DIPK2B: variants seen among roughly 807,000 people sequenced by gnomAD.
DIPK2B encodes UPF0672 protein CXorf36.
DIPK2B carries 15 observed loss-of-function variants against 22.2 expected under a neutral mutation model. The observed-to-expected ratio is 0.68, with a 90% confidence interval of 0.45 to 1.04. DIPK2B has a LOEUF of 1.04. Ranked by LOEUF, DIPK2B falls within the 50% of genes least tolerant of loss-of-function variation. DIPK2B has a pLI of 0.00. For missense variants in DIPK2B, 345 were observed against 348.3 expected, an observed-to-expected ratio of 0.99 and a Z score of 0.08; for synonymous variants, 163 against 153.2, an observed-to-expected ratio of 1.06 and a Z score of -0.47.
Position 45,157,734 on chromosome X carries a change from G to A in DIPK2B, c.653C>T (p.Ser218Leu). The part of the protein sequence containing the change: ...LRLLYTLAVN[S>L]HPILLQIFPG... Reference sequence around the variant, plus strand: ...GCATACCTGTAGGAGGATGGGGTGCGAGTTGACAGCCAGCGTGTAGAGCAG... The same window carrying A: ...GCATACCTGTAGGAGGATGGGGTGCAAGTTGACAGCCAGCGTGTAGAGCAG... The change falls in exon 3 of 5, where the codon TCG (serine) becomes TTG (leucine). Residue 218 changes from serine (S) to leucine (L), a missense_variant. Transcript: ENST00000398000. 2 of 1,197,718 alleles carry A rather than the reference G, an allele frequency of 1.7e-6. No homozygotes were observed. The highest frequency in any genetic ancestry group is 3.0e-5 in the East Asian group (1 of 33,150).
intron 2 of DIPK2B, among the ~76,000 whole-genome samples, chrX:45,191,238 G>A (rs2047209448): frequency 8.9e-6 from 1 of 112,825 alleles, no homozygotes; most frequent in African/African-American, 3.2e-5. Flanking sequence ...AGAGGATGCT[G>A]TATTGTCAAA....
intron 2 of DIPK2B, among the ~76,000 whole-genome samples, chrX:45,158,862 G>A (rs995097118): frequency 2.7e-5 from 3 of 112,183 alleles, no homozygotes; most frequent in African/African-American, 9.7e-5. Flanking sequence ...GGCCCTCCAC[G>A]AAGTAGGTGC....
Position 45,192,000 on chromosome X carries a change from C to G in DIPK2B, c.249G>C (p.Leu83=). ...CGGGAGGCAGTCCAAGGTGGGAAGC[C>G]AGCCAGTTGTCAGATCTGTTGGAAG... ...FKEEIRSDNW[L]ASHLGLPPDS... is the part of the protein sequence containing the mutation. The change falls in exon 2 of 5, where the codon CTG becomes CTC. Residue 83 remains leucine, a synonymous_variant. Coordinates refer to ENST00000398000, the MANE Select transcript of DIPK2B (RefSeq NM_176819.4). The G allele has an allele frequency of 8.3e-7, 1 of 1,208,979 alleles. No homozygotes were observed. Among genetic ancestry groups the G allele is most frequent in the Non-Finnish European group, 1.1e-6 (1 of 894,043 alleles).
chrX:45,153,170 C>T (rs1004069583), intron 4 of DIPK2B, among the ~76,000 whole-genome samples: 1 of 111,125 alleles, frequency 9.0e-6, no homozygotes, highest in African/African-American at 3.3e-5. Context: ...CAAACAAAAT[C>T]AGAAATTAGA....
rs149014709 is a variant in DIPK2B, at chrX:45,151,623, G to T, written c.*29C>A. 10 of 1,178,313 alleles carry T rather than the reference G, an allele frequency of 8.5e-6. No homozygotes were observed. The highest frequency in any genetic ancestry group is 1.1e-5 in the Non-Finnish European group (10 of 872,466). ...GGGAGAATGGAGAGCCAAGCGTGTT[G>T]TCCCCAAGGCCAGCTAGACACCAGC... On this transcript the variant is annotated 3_prime_UTR_variant, in exon 5 of 5. Coordinates refer to ENST00000398000, the MANE Select transcript of DIPK2B (RefSeq NM_176819.4).
At chrX:45,183,743 A>T (rs2047166886) in intron 2 of DIPK2B, among the ~76,000 whole-genome samples, 1 of 112,108 alleles carries the variant, frequency 8.9e-6, no homozygotes, top group South Asian at 3.7e-4. Context: ...CCTATAAAAC[A>T]AAAGGGGAAA....
chrX:45,152,331 C>T (rs1370997515), intron 4 of DIPK2B, among the ~76,000 whole-genome samples: 2 of 104,302 alleles, frequency 1.9e-5, no homozygotes, highest in Non-Finnish European at 3.9e-5. Context: ...GCACTCCAGC[C>T]TGGGTGACAG....
At chrX:45,179,748 AT>A (rs1287066045) in intron 2 of DIPK2B, among the ~76,000 whole-genome samples, 1 of 111,993 alleles carries the variant, frequency 8.9e-6, no homozygotes, top group Non-Finnish European at 1.9e-5. Flanking sequence ...AGAGAAAAAA[AT>A]AATTGAAAAA....
chrX:45,200,623 A>G lies in DIPK2B; in HGVS notation c.204T>C (p.Ile68=). 1 of 1,212,079 alleles carries G rather than the reference A, an allele frequency of 8.3e-7. No homozygotes were observed. The highest frequency in any genetic ancestry group is 1.1e-6 in the Non-Finnish European group (1 of 895,340). ...DKCNACIGTS[I]CKKFFKEEIR... ...TTTCTTCTTTAAAGAACTTCTTGCAAATAGATGTCCCGATGCAGGCATTGC... is the reference window on the plus strand; with the variant it reads ...TTTCTTCTTTAAAGAACTTCTTGCAGATAGATGTCCCGATGCAGGCATTGC... Residue 68 remains isoleucine (I), a synonymous_variant, in exon 1 of 5, where the codon ATT becomes ATC. Transcript: ENST00000398000.
At chrX:45,162,385 G>A in intron 2 of DIPK2B, 1 of 754,224 alleles carries the variant, frequency 1.3e-6, no homozygotes, top group South Asian at 6.7e-5. Flanking sequence ...AAGGTTCTGA[G>A]CAACCTCTAT....
intron 2 of DIPK2B, among the ~76,000 whole-genome samples, chrX:45,180,816 T>C (rs2047146531): frequency 8.9e-6 from 1 of 112,063 alleles, no homozygotes. Flanking sequence ...TAAAGTTTAA[T>C]TTAAAAATTA....
At chrX:45,195,622 T>A (rs919154146) in intron 1 of DIPK2B, among the ~76,000 whole-genome samples, 8 of 112,240 alleles carry the variant, frequency 7.1e-5, no homozygotes, top group Non-Finnish European at 1.3e-4. Context: ...TTCATGCTCC[T>A]TAATTTAACT....
intron 1 of DIPK2B, among the ~76,000 whole-genome samples, chrX:45,195,573 T>C (rs2047235443): frequency 8.9e-6 from 1 of 112,137 alleles, no homozygotes; most frequent in Non-Finnish European, 1.9e-5. Flanking sequence ...ACTGAACCTT[T>C]AACCCATTTA....
chrX:45,179,119 G>C (rs943521856), intron 2 of DIPK2B, among the ~76,000 whole-genome samples: 4 of 111,195 alleles, frequency 3.6e-5, no homozygotes, highest in Non-Finnish European at 7.5e-5. Flanking sequence ...TGTCACAACT[G>C]GGGGGTTGTG....
chrX:45,180,803 T>C (rs144097533), intron 2 of DIPK2B, among the ~76,000 whole-genome samples: 2,560 of 111,898 alleles, frequency 0.023, 86 homozygotes, highest in African/African-American at 0.077. Context: ...TACATACTTA[T>C]GATAAAGTTT....
chrX:45,182,525 A>T (rs1391793711), intron 2 of DIPK2B, among the ~76,000 whole-genome samples: 3 of 112,828 alleles, frequency 2.7e-5, no homozygotes, highest in Non-Finnish European at 3.7e-5. Flanking sequence ...ACATGCTATG[A>T]CTCAACAATT....
intron 2 of DIPK2B, among the ~76,000 whole-genome samples, chrX:45,170,166 C>T (rs755147719): frequency 9.4e-6 from 1 of 106,721 alleles, no homozygotes; most frequent in Non-Finnish European, 1.9e-5. Flanking sequence ...ATCACTTGAA[C>T]CTTGGAGGCA....
At chrX:45,177,892 G>C (rs924055513) in intron 2 of DIPK2B, among the ~76,000 whole-genome samples, 9 of 111,374 alleles carry the variant, frequency 8.1e-5, no homozygotes, top group Non-Finnish European at 1.7e-4. Flanking sequence ...AATAGTGAAT[G>C]ATGTCATATC....
In DIPK2B at chrX:45,151,029, G is replaced by A. The variant is rs1332243657; in HGVS notation, c.*623C>T. On this transcript the variant is annotated 3_prime_UTR_variant, in exon 5 of 5. Coordinates refer to ENST00000398000, the MANE Select transcript of DIPK2B (RefSeq NM_176819.4). ...GAGAAGCCCCATGCGCAGGTGTATG[G>A]AGCCTCAGGTACCAGGCTCTAGGTG... 2 of 110,970 alleles carry A rather than the reference G, an allele frequency of 1.8e-5. No individual in the cohort carries two copies. Among genetic ancestry groups the A allele is most frequent in the Non-Finnish European group, 3.8e-5 (2 of 53,044 alleles). The allele number at this position is 110,970 out of a possible 1,213,427, so 9.1% of individuals were successfully genotyped here. A position where few individuals can be genotyped will look rare whatever the true frequency, so the allele number is the denominator to read the frequency against.
Sources: gnomAD v4.1 joint callset for allele counts (sites outside exome capture counted in the v4.1 genomes callset) on GRCh38, gnomAD v4.1.1 for gene constraint, MANE v1.5 for transcripts, NCBI Gene and HGNC (gene_info 2026-07-23, HGNC 2026-07-21) for gene names.